YBX1: variants seen among roughly 807,000 people sequenced by gnomAD.
YBX1 encodes Y-box-binding protein 1.
In YBX1, 3 loss-of-function variants were observed where a neutral mutation model predicts 41.4. The ratio of observed to expected loss-of-function variants is 0.07; its 90% CI spans 0.03 to 0.19. The LOEUF (loss-of-function observed/expected upper bound fraction) is 0.19, where lower values mean the gene tolerates loss of function less well. Ranked by LOEUF, YBX1 falls within the 10% of genes least tolerant of loss-of-function variation. The pLI, the probability that YBX1 is intolerant of heterozygous loss-of-function variation, is 1.00. For missense variants in YBX1, 274 were observed against 462.8 expected (o/e 0.59, Z 3.74); for synonymous variants, 133 against 165.8 (o/e 0.80, Z 1.52).
chr1:42,696,932 A>G lies in YBX1; in HGVS notation c.645A>G (p.Gly215=). ...RPQYSNPPVQ[G]EVMEGADNQG... The stretch of plus-strand genomic sequence containing the variant: ...AGTATTCCAACCCTCCTGTGCAGGG[A>G]GAAGTGATGGAGGTAAGTTTCACCA... The change falls in exon 5 of 8, where the codon GGA becomes GGG. Residue 215 remains glycine, a synonymous_variant. Transcript: ENST00000321358. The surrounding 1 kb of genome is among the most constrained non-coding windows in gnomAD (Gnocchi z 5.7). The G allele has an allele frequency of 6.4e-7, 1 of 1,557,986 alleles. No homozygotes were observed. The highest frequency in any genetic ancestry group is 8.7e-7 in the Non-Finnish European group (1 of 1,150,790).
intron 1 of YBX1, chr1:42,683,143 G>T (rs1437308327): frequency 3.2e-6 from 2 of 633,096 alleles, no homozygotes; most frequent in South Asian, 1.6e-5. Context: ...CTTCCCTCAC[G>T]TGCTCTCCGT....
At chr1:42,697,151 G>GTC (rs1339169989) in intron 5 of YBX1, 29 bp from the exon 6 acceptor site, 5 of 1,606,230 alleles carry the variant, frequency 3.1e-6, no homozygotes, top group Non-Finnish European at 4.2e-6. Flanking sequence ...TACTGACCCA[G>GTC]TAGGCTTAAT....
At chr1:42,685,601 A>G (rs561307707) in intron 2 of YBX1, among the ~76,000 whole-genome samples, 29 of 152,192 alleles carry the variant, frequency 1.9e-4, no homozygotes, top group Non-Finnish European at 4.0e-4. Flanking sequence ...CCTGTCTCTT[A>G]TGAGGGAGGG....
Position 42,696,522 on chromosome 1 carries a change from C to CCCCT in YBX1, c.355-120_355-119insCCCT. 7.8e-6 allele frequency: 5 copies of CCCCT among 637,560 alleles called. No individual in the cohort carries two copies. Among genetic ancestry groups the CCCCT allele is most frequent in the East Asian group, 3.8e-5 (1 of 26,250 alleles). The allele number at this position is 637,560 out of a possible 1,614,324, so 39.5% of individuals were successfully genotyped here. ...GGTCACGCAGTTGCGCCCCCCCCCCCTTTTTTTTCCTTAACTTTGTTGTTT... is the reference window on the plus strand; with the variant it reads ...GGTCACGCAGTTGCGCCCCCCCCCCCCCCTTTTTTTTTCCTTAACTTTGTTGTTT... On this transcript the variant is annotated intron_variant, in intron 4 of 7. Coordinates refer to ENST00000321358, the MANE Select transcript of YBX1 (RefSeq NM_004559.5). The surrounding 1 kb of genome is among the most constrained non-coding windows in gnomAD (Gnocchi z 5.7).
chr1:42,683,548 C>T (rs1650115533), intron 2 of YBX1, 82 bp downstream of exon 2: 6 of 1,502,624 alleles, frequency 4.0e-6, no homozygotes, highest in African/African-American at 1.4e-5. Context: ...TTGGGAAGCC[C>T]CAATCCACAG....
At chr1:42,689,698 T>G (rs1650282924) in intron 2 of YBX1, among the ~76,000 whole-genome samples, 1 of 152,164 alleles carries the variant, frequency 6.6e-6, no homozygotes, top group African/African-American at 2.4e-5. Context: ...GAATTCCTAG[T>G]TCCTGTGGCA....
chr1:42,684,580 T>C (rs1387255352), intron 2 of YBX1, among the ~76,000 whole-genome samples: 2 of 152,212 alleles, frequency 1.3e-5, no homozygotes, highest in Non-Finnish European at 1.5e-5. Flanking sequence ...GTGGAAACAC[T>C]CAGAGTAAGA....
At position 42,696,883 on chromosome 1, in the gene YBX1, G is replaced by A. The variant is rs765977762; in HGVS notation, c.596G>A (p.Arg199Gln). Reference sequence around the variant, plus strand: ...CGAAGGTTCCCACCTTACTACATGCGGAGACCCTATGGGCGTCGACCACAG... The same window carrying A: ...CGAAGGTTCCCACCTTACTACATGCAGAGACCCTATGGGCGTCGACCACAG... ...RRRRFPPYYMRRPYGRRPQYS... is the reference protein window; with the variant it reads ...RRRRFPPYYMQRPYGRRPQYS... The change falls in exon 5 of 8, where the codon CGG (arginine) becomes CAG (glutamine). Residue 199 changes from arginine to glutamine, a missense_variant. Physicochemically the swap from Arg to Gln is conservative, Grantham distance 43. This residue lies in a region of YBX1 where 187 missense variants were observed against 306.3 expected (regional missense o/e 0.61). Transcript: ENST00000321358. The surrounding 1 kb of genome is among the most constrained non-coding windows in gnomAD (Gnocchi z 5.7). 2.5e-6 allele frequency: 4 copies of A among 1,596,150 alleles called. No homozygotes were observed. The highest frequency in any genetic ancestry group is 1.7e-4 in the Middle Eastern group (1 of 6,006).
intron 6 of YBX1, among the ~76,000 whole-genome samples, chr1:42,699,213 T>A (rs762881247): frequency 1.1e-4 from 16 of 152,186 alleles, no homozygotes; most frequent in Non-Finnish European, 1.6e-4. Context: ...ACCTGCCGTT[T>A]TCCTGTGTAA....
At position 42,688,556 on chromosome 1, in the gene YBX1, A is replaced by G. The variant is rs1027946404; in HGVS notation, c.231-4934A>G. Among the ~76,000 whole-genome samples, 7 of 152,312 alleles carry G rather than the reference A, an allele frequency of 4.6e-5. No individual in the cohort carries two copies. In the East Asian group the frequency reaches 9.6e-4, roughly 21 times the overall value. On this transcript the variant is annotated intron_variant, in intron 2 of 7. Transcript: ENST00000321358. ...CTATTGCTACTGCAGTGAGCCCCTTAAAATGCCATGTGACGCTAATCATCT... is the reference window on the plus strand; with the variant it reads ...CTATTGCTACTGCAGTGAGCCCCTTGAAATGCCATGTGACGCTAATCATCT...
rs141367232 is a variant in YBX1, at chr1:42,686,137, G to C, written c.230+2671G>C. Reference sequence around the variant, plus strand: ...ATCCATATTCACCAAAGATTACCATGAATTGGCAACAGTTTATAGTGACCA... The same window carrying C: ...ATCCATATTCACCAAAGATTACCATCAATTGGCAACAGTTTATAGTGACCA... On this transcript the variant is annotated intron_variant, in intron 2 of 7. Transcript: ENST00000321358. 9.2e-5 allele frequency among the ~76,000 whole-genome samples: 14 copies of C among 152,282 alleles called. No individual in the cohort carries two copies. In the East Asian group the frequency reaches 2.5e-3, roughly 27 times the overall value.
chr1:42,699,948 G>A (rs1255069856), intron 6 of YBX1, among the ~76,000 whole-genome samples: 3 of 152,154 alleles, frequency 2.0e-5, no homozygotes, highest in Non-Finnish European at 2.9e-5. Context: ...TGTTACACTC[G>A]AACCTTAGTA....
At position 42,702,575 on chromosome 1, in the gene YBX1, G is replaced by A. The variant is rs1650631006; in HGVS notation, c.*626G>A. On this transcript the variant is annotated 3_prime_UTR_variant, in exon 8 of 8. Transcript: ENST00000321358. ...TGGCCATTTTTCATTGAAGGATTTA[G>A]CTCATTTGTAAGAAAGACTTGAGTG... Among the ~76,000 whole-genome samples the A allele has an allele frequency of 1.3e-5, 2 of 152,180 alleles. 1 individual carries two copies. Among genetic ancestry groups the A allele is most frequent in the South Asian group, 4.1e-4 (2 of 4,834 alleles).
intron 6 of YBX1, among the ~76,000 whole-genome samples, chr1:42,699,101 A>G (rs529201112): frequency 5.3e-4 from 80 of 152,204 alleles, no homozygotes; most frequent in Non-Finnish European, 9.6e-4. Flanking sequence ...AATGCAATCC[A>G]GGATAACAGT....
At chr1:42,693,440 A>T in intron 2 of YBX1, 50 bp from the exon 3 acceptor site, 1 of 1,604,478 alleles carries the variant, frequency 6.2e-7, no homozygotes, top group South Asian at 1.1e-5. Flanking sequence ...CTTTGACAAC[A>T]TGAGATTTAT....
chr1:42,693,404 G>A (rs1650387992), intron 2 of YBX1, 86 bp from the exon 3 acceptor site: 7 of 1,491,426 alleles, frequency 4.7e-6, no homozygotes, highest in African/African-American at 1.4e-5. Flanking sequence ...CTAATTGGCA[G>A]CCAGAGAGTC....
chr1:42,687,113 T>A (rs1053516642), intron 2 of YBX1, among the ~76,000 whole-genome samples: 3 of 152,226 alleles, frequency 2.0e-5, no homozygotes, highest in Non-Finnish European at 4.4e-5. Flanking sequence ...TTGTGAAGTT[T>A]GGGATTGTTA....
chr1:42,692,955 G>A (rs1193732485), intron 2 of YBX1, among the ~76,000 whole-genome samples: 7 of 152,080 alleles, frequency 4.6e-5, no homozygotes, highest in African/African-American at 7.2e-5. Flanking sequence ...TTTATAACTG[G>A]GCTTTTCTTA....
intron 6 of YBX1, among the ~76,000 whole-genome samples, chr1:42,700,319 C>G (rs1258458797): frequency 6.6e-6 from 1 of 152,004 alleles, no homozygotes. Context: ...GTATCTTTAT[C>G]TTGGTGATTA....
Sources: allele counts gnomAD v4.1 joint callset (sites outside exome capture counted in the v4.1 genomes callset), GRCh38; gene constraint gnomAD v4.1.1; regional missense constraint gnomAD v4.1.1; non-coding constraint Gnocchi (gnomAD v3.1); transcripts MANE v1.5; gene names NCBI Gene and HGNC (gene_info 2026-07-23, HGNC 2026-07-21).